The following DST variants were observed in gnomAD, a reference collection of about 807,000 sequenced individuals.
DST encodes dystonin, also known as bullous pemphigoid antigen.
DST carries 253 observed loss-of-function variants against 875.2 expected under a neutral mutation model. The observed-to-expected ratio is 0.29, with a 90% CI of 0.26 to 0.32. The LOEUF (loss-of-function observed/expected upper bound fraction) is 0.32. DST is among the 10% of genes least tolerant of loss of function. The pLI is 1.00. For missense variants in DST, 8,287 were observed against 9,111.6 expected, an observed-to-expected ratio of 0.91 and a Z score of 3.68; for synonymous variants, 3,124 against 3,197.1, an observed-to-expected ratio of 0.98 and a Z score of 0.77.
intron 47 of DST, among the ~76,000 whole-genome samples, chr6:56,596,002 C>A (rs2098376195): frequency 1.4e-5 from 1 of 70,142 alleles, no homozygotes; most frequent in African/African-American, 4.7e-5. Flanking sequence ...TTAGGACTTT[C>A]TTTCTTTTAT....
chr6:56,879,705 A>G (rs1040281014), intron 3 of DST, among the ~76,000 whole-genome samples: 1 of 152,186 alleles, frequency 6.6e-6, no homozygotes, highest in Admixed American at 6.5e-5. Flanking sequence ...TCAAATCTAT[A>G]AATAGATTAA....
Position 56,492,281 on chromosome 6 carries a change from T to C in DST, c.20703A>G (p.Gln6901=), listed in dbSNP as rs751257485. 1.9e-6 allele frequency: 3 copies of C among 1,613,776 alleles called. No homozygotes were observed. The highest frequency in any genetic ancestry group is 1.6e-4 in the Middle Eastern group (1 of 6,084). The change falls in exon 85 of 104, where the codon CAA becomes CAG. Residue 6901 remains glutamine (Q), a synonymous_variant. Coordinates refer to ENST00000680361, the MANE Select transcript of DST (RefSeq NM_001374736.1). ...AAGATCTTCCTCTCTCTACCAACCG[T>C]TGAACCACTTTTTCCCATCGACTTT... ...SVQSRWEKVV[Q]RLVERGRSLD... is the part of the protein sequence containing the mutation.
chr6:56,493,527 G>A (rs1282004062), intron 83 of DST, among the ~76,000 whole-genome samples: 2 of 151,632 alleles, frequency 1.3e-5, no homozygotes, highest in Non-Finnish European at 2.9e-5. Context: ...TTCTTAGATT[G>A]TCAGTTTTGC....
chr6:56,895,147 G>A lies in DST; in HGVS notation c.417+5274C>T, dbSNP rs1348995797. Among the ~76,000 whole-genome samples, 6 of 80,604 alleles carry A rather than the reference G, an allele frequency of 7.4e-5. 1 individual carries two copies. Among genetic ancestry groups the A allele is most frequent in the Admixed American group, 2.0e-4 (2 of 10,094 alleles). 52.9% of individuals were successfully genotyped at this position (80,604 alleles called of 152,430 possible). On this transcript the variant is annotated intron_variant, in intron 3 of 103. Coordinates refer to ENST00000680361, the MANE Select transcript of DST (RefSeq NM_001374736.1). ...CACCTCCCGGACGGGGAGGCTGGCC[G>A]GGCGGGGGGCTGACCCCCCCCACCT... is the stretch of plus-strand genomic sequence containing the variant.
At chr6:56,642,765 G>GT in intron 15 of DST, 1 of 1,614,044 alleles carries the variant, frequency 6.2e-7, no homozygotes, top group African/African-American at 1.3e-5. Context: ...CACTGCTACG[G>GT]TAACTATAAC....
intron 4 of DST, among the ~76,000 whole-genome samples, chr6:56,804,850 A>C (rs17751966): frequency 0.017 from 2,565 of 152,084 alleles, 73 homozygotes; most frequent in African/African-American, 0.058. Context: ...TGTCATTTCA[A>C]GCTGAGGTTG....
At chr6:56,497,598 T>G (rs1239629007) in intron 81 of DST, 91 bp from the exon 82 acceptor site, 6 of 1,463,288 alleles carry the variant, frequency 4.1e-6, no homozygotes, top group Non-Finnish European at 5.5e-6. Context: ...CTGCTAAGCC[T>G]CTCTATGCAT....
At chr6:56,872,231 A>ATC (rs1777539648) in intron 3 of DST, among the ~76,000 whole-genome samples, 1 of 152,264 alleles carries the variant, frequency 6.6e-6, no homozygotes, top group African/African-American at 2.4e-5. Flanking sequence ...TGAAACAAAT[A>ATC]AACTATAGTG....
intron 2 of DST, among the ~76,000 whole-genome samples, chr6:56,917,215 C>G (rs1801690587): frequency 6.6e-6 from 1 of 152,076 alleles, no homozygotes; most frequent in Non-Finnish European, 1.5e-5. Flanking sequence ...GCAGCACATT[C>G]TCTCTCAAAA....
intron 4 of DST, among the ~76,000 whole-genome samples, chr6:56,762,271 C>T (rs2099619061): frequency 1.3e-5 from 2 of 152,194 alleles, no homozygotes; most frequent in Non-Finnish European, 2.9e-5. Context: ...ATCCACCCGC[C>T]TTGGCCTCCC....
At chr6:56,595,213 C>T (rs968886432) in intron 47 of DST, among the ~76,000 whole-genome samples, 3 of 152,310 alleles carry the variant, frequency 2.0e-5, no homozygotes, top group African/African-American at 4.8e-5. Context: ...TGCTCCCACC[C>T]TTACCTCCAT....
chr6:56,482,210 A>T, intron 89 of DST, 32 bp from the exon 90 acceptor site: 3 of 1,573,300 alleles, frequency 1.9e-6, no homozygotes, highest in Non-Finnish European at 2.6e-6. Flanking sequence ...CACCCCAAAC[A>T]AAATTCCCAA....
intron 55 of DST, among the ~76,000 whole-genome samples, chr6:56,564,336 C>A (rs758975511): frequency 1.3e-5 from 2 of 152,106 alleles, no homozygotes; most frequent in Admixed American, 1.3e-4. Context: ...CTCTTTGTAG[C>A]GATTGTGAAT....
intron 4 of DST, among the ~76,000 whole-genome samples, chr6:56,837,516 A>G (rs1409332842): frequency 1.3e-5 from 2 of 151,974 alleles, no homozygotes; most frequent in Non-Finnish European, 2.9e-5. Context: ...TGCTCTTTCT[A>G]ATATCTATCT....
chr6:56,890,615 C>T (rs976466411), intron 3 of DST, among the ~76,000 whole-genome samples: 1 of 151,898 alleles, frequency 6.6e-6, no homozygotes, highest in Non-Finnish European at 1.5e-5. Context: ...ATTAGTGATC[C>T]CCATTACAAA....
At chr6:56,656,141 C>T (rs1339894236) in intron 10 of DST, among the ~76,000 whole-genome samples, 1 of 152,236 alleles carries the variant, frequency 6.6e-6, no homozygotes, top group Non-Finnish European at 1.5e-5. Flanking sequence ...TGGCTTCCAG[C>T]CAAGTTTTAG....
At chr6:56,778,083 C>T (rs2099682930) in intron 4 of DST, among the ~76,000 whole-genome samples, 1 of 152,118 alleles carries the variant, frequency 6.6e-6, no homozygotes, top group African/African-American at 2.4e-5. Flanking sequence ...ATTCCAGTTA[C>T]AAATTTATTA....
intron 4 of DST, among the ~76,000 whole-genome samples, chr6:56,832,646 A>G (rs549005493): frequency 6.6e-5 from 10 of 152,222 alleles, no homozygotes; most frequent in Middle Eastern, 3.4e-3. Flanking sequence ...TATAGCACAA[A>G]CTATTGCTTC....
intron 4 of DST, among the ~76,000 whole-genome samples, chr6:56,799,610 T>C (rs1230091832): frequency 6.6e-6 from 1 of 151,348 alleles, no homozygotes; most frequent in Non-Finnish European, 1.5e-5. Context: ...CATTTTTGTG[T>C]TTTTTGTTTG....
Sources: gnomAD v4.1 joint callset for allele counts (sites outside exome capture counted in the v4.1 genomes callset) on GRCh38, gnomAD v4.1.1 for gene constraint, MANE v1.5 for transcripts, NCBI Gene and HGNC (gene_info 2026-07-23, HGNC 2026-07-21) for gene names.